PHLPP2: variants seen among roughly 807,000 people sequenced by gnomAD.
PHLPP2 encodes PH domain leucine-rich repeat-containing protein phosphatase 2.
In PHLPP2, 66 loss-of-function variants were observed where a neutral mutation model predicts 124.9. The ratio of observed to expected loss-of-function variants is 0.53; its 90% confidence interval spans 0.43 to 0.65. The LOEUF is 0.65. PHLPP2 is among the 30% of genes least tolerant of loss of function. The pLI, the probability that PHLPP2 is intolerant of heterozygous loss-of-function variation, is 0.00. For missense variants in PHLPP2, 1,685 were observed against 1,600.4 expected, an observed-to-expected ratio of 1.05 and a Z score of -0.90; for synonymous variants, 681 against 624.7, an observed-to-expected ratio of 1.09 and a Z score of -1.34.
At chr16:71,665,760 G>A in intron 12 of PHLPP2, among the ~76,000 whole-genome samples, 1 of 152,082 alleles carries the variant, frequency 6.6e-6, no homozygotes, top group South Asian at 2.1e-4. Flanking sequence ...ACTACCATAA[G>A]GACCAAATGC....
In PHLPP2 at chr16:71,684,478, T is replaced by C. The variant is rs2045034351; in HGVS notation, c.733A>G (p.Lys245Glu). Residue 245 changes from lysine to glutamate, a missense_variant and splice_region_variant, in exon 5 of 19, where the codon AAG becomes GAG. Coordinates refer to ENST00000568954, the MANE Select transcript of PHLPP2 (RefSeq NM_015020.3). ...EYQRWQRQASKVVSQRISTVD... is the reference protein window; with the variant it reads ...EYQRWQRQASEVVSQRISTVD... The stretch of plus-strand genomic sequence containing the variant: ...CAGAACATCCCATTACTTTTCACCT[T>C]GGATGCTTGCCGTTGCCATCGCTGG... 2 of 1,613,778 alleles carry C rather than the reference T, an allele frequency of 1.2e-6. No individual in the cohort carries two copies. The highest frequency in any genetic ancestry group is 1.3e-5 in the African/African-American group (1 of 74,892).
chr16:71,679,108 C>T, intron 7 of PHLPP2, 123 bp from the exon 8 acceptor site: 1 of 647,764 alleles, frequency 1.5e-6, no homozygotes, highest in Non-Finnish European at 2.7e-6. Context: ...GTAAAGTGTC[C>T]TAACTCTCCA....
intron 6 of PHLPP2, among the ~76,000 whole-genome samples, chr16:71,679,849 G>A (rs1258165458): frequency 2.6e-5 from 4 of 152,150 alleles, no homozygotes; most frequent in Admixed American, 6.6e-5. Flanking sequence ...TTGGAAGGCC[G>A]AGGCAGGTGG....
At chr16:71,686,107 A>G (rs2045052903) in intron 4 of PHLPP2, among the ~76,000 whole-genome samples, 1 of 152,186 alleles carries the variant, frequency 6.6e-6, no homozygotes, top group Non-Finnish European at 1.5e-5. Flanking sequence ...CTCTGTCTCA[A>G]ACACACACAC....
At position 71,703,089 on chromosome 16, in the gene PHLPP2, T is replaced by C. The variant is rs550540462; in HGVS notation, c.285-358A>G. ...CTGAAGATAATGACTTCCAGGTCCA[T>C]CCATGTTGCTACATTAAGACATGAC... On this transcript the variant is annotated intron_variant, in intron 2 of 18. Coordinates refer to ENST00000568954, the MANE Select transcript of PHLPP2 (RefSeq NM_015020.3). 1.5e-4 allele frequency among the ~76,000 whole-genome samples: 23 copies of C among 152,328 alleles called. No homozygotes were observed. In the South Asian group the frequency reaches 4.3e-3, roughly 29 times the overall value.
intron 2 of PHLPP2, among the ~76,000 whole-genome samples, chr16:71,711,878 A>C (rs1317188400): frequency 6.6e-6 from 1 of 152,252 alleles, no homozygotes; most frequent in Non-Finnish European, 1.5e-5. Flanking sequence ...ACAGATCTAA[A>C]AACAATCTTG....
At position 71,676,718 on chromosome 16, in the gene PHLPP2, TA is replaced by T. The variant is rs1172448678; in HGVS notation, c.1269-70del. On this transcript the variant is annotated intron_variant, in intron 8 of 18. Transcript: ENST00000568954. ...TTAAATGTGCTTACCAGAATAAAAA[TA>T]AAAAATAGGACAGGTATGATCCCTT... 6.9e-6 allele frequency: 8 copies of T among 1,165,752 alleles called. No individual in the cohort carries two copies. The East Asian group carries it at 1.7e-4, about 24-fold the overall frequency. 72.2% of individuals were successfully genotyped at this position (1,165,752 alleles called of 1,614,324 possible).
Position 71,690,598 on chromosome 16 carries a change from C to G in PHLPP2, c.530G>C (p.Cys177Ser). 6.2e-7 allele frequency: 1 copy of G among 1,612,696 alleles called. No individual in the cohort carries two copies. The highest frequency in any genetic ancestry group is 1.3e-5 in the African/African-American group (1 of 75,008). ...HKWAERLVVL[C>S]GTCLIVSSVK... is the part of the protein sequence containing the mutation. Reference sequence around the variant, plus strand: ...TGAGGAAACGATAAGGCAGGTACCACAGAGGACAACTAGGCGCTCAGCCCA... The same window carrying G: ...TGAGGAAACGATAAGGCAGGTACCAGAGAGGACAACTAGGCGCTCAGCCCA... The change falls in exon 4 of 19, where the codon TGT becomes TCT. Residue 177 changes from cysteine (C) to serine (S), a missense_variant. Cys to Ser is a moderately radical substitution (Grantham distance 112). Coordinates refer to ENST00000568954, the MANE Select transcript of PHLPP2 (RefSeq NM_015020.3).
chr16:71,722,132 C>G (rs574041191), intron 1 of PHLPP2, among the ~76,000 whole-genome samples: 1 of 152,288 alleles, frequency 6.6e-6, no homozygotes, highest in African/African-American at 2.4e-5. Context: ...CACTCAGCTA[C>G]TTAACAAAAC....
intron 3 of PHLPP2, among the ~76,000 whole-genome samples, chr16:71,699,883 G>A (rs1178908853): frequency 1.3e-5 from 2 of 152,192 alleles, no homozygotes; most frequent in African/African-American, 4.8e-5. Context: ...GCCAGTTCCT[G>A]CACTCGCTCT....
Position 71,657,974 on chromosome 16 carries a change from A to C in PHLPP2, c.2279+259T>G, listed in dbSNP as rs552224831. ...TCTTAGATATTATATAATCTGTGCC[A>C]CCTAAAACATCTATGCCTGTTGTGA... On this transcript the variant is annotated intron_variant, in intron 15 of 18. Coordinates refer to ENST00000568954, the MANE Select transcript of PHLPP2 (RefSeq NM_015020.3). 2.0e-5 allele frequency among the ~76,000 whole-genome samples: 3 copies of C among 152,348 alleles called. No individual in the cohort carries two copies. In the South Asian group the frequency reaches 6.2e-4, roughly 32 times the overall value.
chr16:71,658,140 T>C, intron 15 of PHLPP2, 93 bp downstream of exon 15: 1 of 1,080,284 alleles, frequency 9.3e-7, no homozygotes, highest in East Asian at 2.4e-5. Flanking sequence ...TCTGTTCTTT[T>C]AATTAATCAA....
intron 2 of PHLPP2, among the ~76,000 whole-genome samples, chr16:71,710,810 T>C (rs2045318794): frequency 6.6e-6 from 1 of 152,154 alleles, no homozygotes; most frequent in Non-Finnish European, 1.5e-5. Flanking sequence ...ACAATGTAAA[T>C]ATTATCATCT....
chr16:71,693,130 T>C (rs552793458), intron 3 of PHLPP2, among the ~76,000 whole-genome samples: 10 of 152,058 alleles, frequency 6.6e-5, no homozygotes, highest in African/African-American at 2.4e-4. Context: ...CTACTAAAAA[T>C]ACAAAAATTA....
At chr16:71,656,157 A>G (rs1325557234) in intron 16 of PHLPP2, among the ~76,000 whole-genome samples, 1 of 152,168 alleles carries the variant, frequency 6.6e-6, no homozygotes, top group African/African-American at 2.4e-5. Context: ...TGCTGAAAAG[A>G]ACCCAGTATA....
chr16:71,678,468 T>C (rs2044967504), intron 8 of PHLPP2: 1 of 321,224 alleles, frequency 3.1e-6, no homozygotes, highest in South Asian at 3.8e-5. Flanking sequence ...TGAAACCTCA[T>C]CTCTACTAAA....
chr16:71,658,427 T>C (rs1286931208), intron 14 of PHLPP2, 64 bp from the exon 15 acceptor site: 2 of 1,454,566 alleles, frequency 1.4e-6, no homozygotes, highest in African/African-American at 2.8e-5. Context: ...TACTCCCAAG[T>C]GTCCAATCTC....
rs1383946116 is a variant in PHLPP2 at position 71,648,966 on chromosome 16, T to G, written c.3896A>C (p.Gln1299Pro). The change falls in exon 19 of 19, where the codon CAG (glutamine) becomes CCG (proline). Residue 1299 changes from glutamine (Q) to proline (P), a missense_variant. Gln to Pro is a moderately conservative substitution (Grantham distance 76). Transcript: ENST00000568954. ...GGGCTCAGGCTCGAGCCGGCTGTCC[T>G]GGTGCTGTTTCATTTGTTCCTTCAC... ...EEVKEQMKQHQDSRLEPEPHE... is the reference protein window; with the variant it reads ...EEVKEQMKQHPDSRLEPEPHE... 6.2e-7 allele frequency: 1 copy of G among 1,614,036 alleles called. No individual in the cohort carries two copies. Among genetic ancestry groups the G allele is most frequent in the Non-Finnish European group, 8.5e-7 (1 of 1,180,036 alleles).
intron 3 of PHLPP2, among the ~76,000 whole-genome samples, chr16:71,691,622 G>C (rs1186756789): frequency 3.3e-5 from 5 of 151,948 alleles, no homozygotes; most frequent in Non-Finnish European, 7.4e-5. Flanking sequence ...GTAACTACAG[G>C]AGTACTCTAA....
Sources: allele counts gnomAD v4.1 joint callset (sites outside exome capture counted in the v4.1 genomes callset), GRCh38; gene constraint gnomAD v4.1.1; transcripts MANE v1.5; gene names NCBI Gene and HGNC (gene_info 2026-07-23, HGNC 2026-07-21).